Variants in SEC14L2 observed in about 807,000 individuals in gnomAD.
The protein encoded by SEC14L2 is SEC14 like lipid binding 2, also known as SEC14-like protein 2.
A neutral mutation model predicts 56.9 loss-of-function variants in SEC14L2; 50 were observed. That is an observed-to-expected ratio of 0.88 (90% CI 0.70 to 1.11). The LOEUF (loss-of-function observed/expected upper bound fraction) is 1.11. SEC14L2 is among the 50% of genes most tolerant of loss of function. The probability of loss-of-function intolerance (pLI) is 0.00; values close to 1 mark genes in which losing one functional copy is unlikely to be tolerated. For missense variants in SEC14L2, 414 were observed against 500.7 expected, an observed-to-expected ratio of 0.83 and a Z score of 1.65; for synonymous variants, 179 against 188.5, an observed-to-expected ratio of 0.95 and a Z score of 0.41.
At chr22:30,409,022 A>C (rs1934173858) in intron 5 of SEC14L2, 165 bp from the exon 6 acceptor site, 3 of 724,072 alleles carry the variant, frequency 4.1e-6, no homozygotes, top group Non-Finnish European at 7.7e-6. Context: ...CGCCTAGACC[A>C]CAATTCTGGC....
At chr22:30,420,161 T>A (rs1236325644) in intron 11 of SEC14L2, among the ~76,000 whole-genome samples, 1 of 152,044 alleles carries the variant, frequency 6.6e-6, no homozygotes, top group African/African-American at 2.4e-5. Flanking sequence ...CCGTGTTCGT[T>A]AGGCTGGTCT....
chr22:30,412,586 G>A (rs971027644), intron 8 of SEC14L2, among the ~76,000 whole-genome samples: 5 of 152,016 alleles, frequency 3.3e-5, no homozygotes, highest in Admixed American at 6.6e-5. Flanking sequence ...GTGTTTGGGA[G>A]GCCCAAGTGG....
rs1325783383 is a variant in SEC14L2, at chr22:30,423,654, G to A, written c.*1247G>A. On this transcript the variant is annotated 3_prime_UTR_variant, in exon 12 of 12. Coordinates refer to ENST00000615189, the MANE Select transcript of SEC14L2 (RefSeq NM_012429.5). Reference sequence around the variant, plus strand: ...CGGGAACGCCTTTCCCTCAGAGCCAGGCCCCGGCCCCGTCTGGGAAGCTCA... The same window carrying A: ...CGGGAACGCCTTTCCCTCAGAGCCAAGCCCCGGCCCCGTCTGGGAAGCTCA... 6.6e-6 allele frequency: 1 copy of A among 152,410 alleles called. No homozygotes were observed. The highest frequency in any genetic ancestry group is 1.5e-5 in the Non-Finnish European group (1 of 68,164). The allele number at this position is 152,410 out of a possible 1,614,324, so 9.4% of individuals were successfully genotyped here.
At chr22:30,402,946 G>A (rs1361805935) in intron 2 of SEC14L2, among the ~76,000 whole-genome samples, 1 of 152,046 alleles carries the variant, frequency 6.6e-6, no homozygotes, top group African/African-American at 2.4e-5. Flanking sequence ...TGGGTGTGGT[G>A]GCGTGCACCT....
At chr22:30,402,617 C>T (rs1933970409) in intron 2 of SEC14L2, among the ~76,000 whole-genome samples, 1 of 152,150 alleles carries the variant, frequency 6.6e-6, no homozygotes, top group African/African-American at 2.4e-5. Flanking sequence ...GCCACCCCTG[C>T]TCCTTAAAGC....
Position 30,425,075 on chromosome 22 carries a change from A to C in SEC14L2, c.*2668A>C. 1 of 276,440 alleles carries C rather than the reference A, an allele frequency of 3.6e-6. No homozygotes were observed. The highest frequency in any genetic ancestry group is 3.1e-5 in the South Asian group (1 of 32,008). The allele number at this position is 276,440 out of a possible 1,614,324, so 17.1% of individuals were successfully genotyped here. A position where few individuals can be genotyped will look rare whatever the true frequency, so the allele number is the denominator to read the frequency against. On this transcript the variant is annotated 3_prime_UTR_variant, in exon 12 of 12. Transcript: ENST00000615189. ...TCCTCTAGCCTCATTTAGAGCTCGC[A>C]TTAAGAGCACGGGATCTGGATCCAC...
At chr22:30,420,475 T>C (rs1405495830) in intron 11 of SEC14L2, 3 of 152,254 alleles carry the variant, frequency 2.0e-5, no homozygotes, top group African/African-American at 2.4e-5. Flanking sequence ...GGCAGGGCCA[T>C]TATCGACCTA....
intron 8 of SEC14L2, among the ~76,000 whole-genome samples, chr22:30,411,637 T>C (rs757706977): frequency 1.0e-4 from 15 of 148,492 alleles, no homozygotes; most frequent in Non-Finnish European, 2.1e-4. Flanking sequence ...TCCCAGCTAC[T>C]TGGGAGGCTG....
chr22:30,407,711 G>C, intron 5 of SEC14L2, 108 bp downstream of exon 5: 1 of 858,260 alleles, frequency 1.2e-6, no homozygotes, highest in South Asian at 2.8e-5. Flanking sequence ...CCAAGGCCCA[G>C]CCTTTTTTTT....
At chr22:30,419,778 TCTC>T (rs1432456687) in intron 11 of SEC14L2, among the ~76,000 whole-genome samples, 1 of 151,924 alleles carries the variant, frequency 6.6e-6, no homozygotes, top group African/African-American at 2.4e-5. Context: ...ATCAATATAA[TCTC>T]CTATGGTAAT....
chr22:30,423,356 G>A lies in SEC14L2; in HGVS notation c.*949G>A, dbSNP rs1934572605. 1 of 152,822 alleles carries A rather than the reference G, an allele frequency of 6.5e-6. No homozygotes were observed. The highest frequency in any genetic ancestry group is 1.9e-4 in the East Asian group (1 of 5,206). The allele number at this position is 152,822 out of a possible 1,614,324, so 9.5% of individuals were successfully genotyped here. A position where few individuals can be genotyped will look rare whatever the true frequency, so the allele number is the denominator to read the frequency against. The stretch of plus-strand genomic sequence containing the variant: ...CGCGGTGCCCGCCAACCCGCTTCCT[G>A]ACTGACCTGAGCAAGGTCTTACTAA... On this transcript the variant is annotated 3_prime_UTR_variant, in exon 12 of 12. Coordinates refer to ENST00000615189, the MANE Select transcript of SEC14L2 (RefSeq NM_012429.5).
At chr22:30,419,346 G>T (rs151019915) in intron 11 of SEC14L2, among the ~76,000 whole-genome samples, 2,134 of 152,326 alleles carry the variant, frequency 0.014, 53 homozygotes, top group African/African-American at 0.049. Context: ...GAGGCCAACA[G>T]TTCGAGACCA....
chr22:30,403,233 T>G (rs1056474107), intron 2 of SEC14L2, among the ~76,000 whole-genome samples: 5 of 152,162 alleles, frequency 3.3e-5, no homozygotes. Context: ...CTTTCTCCAC[T>G]GAGGGCTTCA....
chr22:30,403,083 A>G (rs975777375), intron 2 of SEC14L2, among the ~76,000 whole-genome samples: 16 of 152,226 alleles, frequency 1.1e-4, no homozygotes, highest in African/African-American at 3.9e-4. Flanking sequence ...TCTCAAAGAA[A>G]ATAAAACAAA....
chr22:30,415,196 C>T (rs1329887415), intron 8 of SEC14L2, among the ~76,000 whole-genome samples: 1 of 152,124 alleles, frequency 6.6e-6, no homozygotes, highest in Non-Finnish European at 1.5e-5. Flanking sequence ...CTTTGGGAGG[C>T]CGAGGTGGGT....
chr22:30,402,359 T>C (rs1933963820), intron 2 of SEC14L2, among the ~76,000 whole-genome samples: 1 of 152,098 alleles, frequency 6.6e-6, no homozygotes, highest in African/African-American at 2.4e-5. Flanking sequence ...GCTCTCTTAC[T>C]GAGGCAGGGG....
At position 30,415,849 on chromosome 22, in the gene SEC14L2, C is replaced by T. The variant is rs1485566379; in HGVS notation, c.755C>T (p.Pro252Leu). ...GGTMTDPDGN[P>L]KCKSKINYGG... ...ACCATGACTGACCCTGATGGAAACC[C>T]CAAGTGCAAATCCAAGGTATGAGCC... The change falls in exon 9 of 12, where the codon CCC becomes CTC. Residue 252 changes from proline to leucine, a missense_variant. Physicochemically the swap from Pro to Leu is moderately conservative, Grantham distance 98. Coordinates refer to ENST00000615189, the MANE Select transcript of SEC14L2 (RefSeq NM_012429.5). 1.2e-6 allele frequency: 2 copies of T among 1,614,122 alleles called. No individual in the cohort carries two copies. Among genetic ancestry groups the T allele is most frequent in the Admixed American group, 3.3e-5 (2 of 60,018 alleles).
Position 30,399,655 on chromosome 22 carries a change from G to C in SEC14L2, c.67G>C (p.Val23Leu). 1 of 1,613,520 alleles carries C rather than the reference G, an allele frequency of 6.2e-7. No individual in the cohort carries two copies. The highest frequency in any genetic ancestry group is 8.5e-7 in the Non-Finnish European group (1 of 1,179,648). Residue 23 changes from valine (V) to leucine (L), a missense_variant, in exon 2 of 12, where the codon GTC (valine) becomes CTC (leucine). Physicochemically the swap from Val to Leu is conservative, Grantham distance 32. Transcript: ENST00000615189. ...CCTCTCCCTACAGTTTCGGGAGAAT[G>C]TCCAGGATGTGCTGCCGGCCCTGCC... ...KEALAKFRENVQDVLPALPNP... is the reference protein window; with the variant it reads ...KEALAKFRENLQDVLPALPNP...
intron 2 of SEC14L2, among the ~76,000 whole-genome samples, chr22:30,401,403 C>T (rs927721845): frequency 6.6e-6 from 1 of 151,942 alleles, no homozygotes; most frequent in Non-Finnish European, 1.5e-5. Flanking sequence ...CCAGGCTGGT[C>T]TCAAACTCCT....
Sources: allele counts gnomAD v4.1 joint callset (sites outside exome capture counted in the v4.1 genomes callset), GRCh38; gene constraint gnomAD v4.1.1; transcripts MANE v1.5; gene names NCBI Gene and HGNC (gene_info 2026-07-23, HGNC 2026-07-21).